FNIP2: variants seen among roughly 807,000 people sequenced by gnomAD.
FNIP2 encodes folliculin interacting protein 2.
FNIP2 carries 32 observed loss-of-function variants against 108.7 expected under a neutral mutation model. That is an observed-to-expected ratio of 0.29 (90% confidence interval 0.22 to 0.40). FNIP2 has a LOEUF of 0.40. Ranked by LOEUF, FNIP2 falls within the 10% of genes least tolerant of loss-of-function variation. The probability of loss-of-function intolerance (pLI) is 1.00; values close to 1 mark genes in which losing one functional copy is unlikely to be tolerated. For missense variants in FNIP2, 1,202 were observed against 1,381.6 expected (o/e 0.87, Z 2.06); for synonymous variants, 480 against 496.7 (o/e 0.97, Z 0.45).
intron 8 of FNIP2, among the ~76,000 whole-genome samples, chr4:158,856,493 G>A (rs574327492): frequency 6.6e-6 from 1 of 152,298 alleles, no homozygotes; most frequent in South Asian, 2.1e-4. Context: ...GAAAAAAATT[G>A]TATGTAGCTG....
chr4:158,902,404 T>C (rs1376413614), intron 16 of FNIP2, among the ~76,000 whole-genome samples: 1 of 152,176 alleles, frequency 6.6e-6, no homozygotes, highest in Non-Finnish European at 1.5e-5. Context: ...AGAGCTCTCC[T>C]GTATGAGGTT....
At chr4:158,801,677 A>G (rs1278293612) in intron 1 of FNIP2, among the ~76,000 whole-genome samples, 1 of 152,236 alleles carries the variant, frequency 6.6e-6, no homozygotes, top group East Asian at 1.9e-4. Context: ...GATGCTTGGC[A>G]CATAAAAGAG....
intron 6 of FNIP2, chr4:158,834,766 G>C (rs1778705463): frequency 6.6e-6 from 1 of 152,298 alleles, no homozygotes; most frequent in African/African-American, 2.4e-5. Flanking sequence ...CTAGAAGTCT[G>C]TAATACTTCA....
chr4:158,780,065 A>C (rs1375708948), intron 1 of FNIP2, among the ~76,000 whole-genome samples: 3 of 151,962 alleles, frequency 2.0e-5, no homozygotes, highest in Non-Finnish European at 4.4e-5. Context: ...ATAAAAAAAA[A>C]ACTAGCTAGG....
intron 12 of FNIP2, among the ~76,000 whole-genome samples, chr4:158,865,494 T>C (rs1780527905): frequency 6.6e-6 from 1 of 152,232 alleles, no homozygotes; most frequent in Non-Finnish European, 1.5e-5. Context: ...ATTGTATTTT[T>C]AATAACCTTC....
At chr4:158,880,559 G>A (rs1384633440) in intron 14 of FNIP2, among the ~76,000 whole-genome samples, 3 of 152,158 alleles carry the variant, frequency 2.0e-5, no homozygotes, top group African/African-American at 7.2e-5. Context: ...CCTGCACGTT[G>A]TGCACATGTA....
chr4:158,899,590 T>G (rs1244218218), intron 16 of FNIP2, among the ~76,000 whole-genome samples: 1 of 152,258 alleles, frequency 6.6e-6, no homozygotes, highest in East Asian at 1.9e-4. Flanking sequence ...AGGGTGTATG[T>G]GCCCAGGAAT....
chr4:158,830,550 C>T (rs968432034), intron 3 of FNIP2, among the ~76,000 whole-genome samples: 4 of 152,188 alleles, frequency 2.6e-5, no homozygotes, highest in African/African-American at 4.8e-5. Context: ...GCGTGAGCCA[C>T]CGCGCCCGGC....
At chr4:158,823,919 C>T (rs1778019464) in intron 1 of FNIP2, among the ~76,000 whole-genome samples, 1 of 152,102 alleles carries the variant, frequency 6.6e-6, no homozygotes, top group African/African-American at 2.4e-5. Context: ...ATAAACTTGG[C>T]TTATTATTAT....
rs938381075 is a variant in FNIP2 at position 158,868,376 on chromosome 4, C to G, written c.1740C>G (p.Pro580=). 6.2e-6 allele frequency: 10 copies of G among 1,613,980 alleles called. No individual in the cohort carries two copies. Among genetic ancestry groups the G allele is most frequent in the Non-Finnish European group, 8.5e-6 (10 of 1,179,894 alleles). ...ITVRNEPALV[P]PILPPTAAER... The stretch of plus-strand genomic sequence containing the variant: ...TGAGGAACGAGCCCGCTCTTGTACC[C>G]CCCATCCTACCACCAACAGCAGCAG... Residue 580 remains proline (P), a synonymous_variant, in exon 13 of 17, where the codon CCC becomes CCG. Transcript: ENST00000264433. The surrounding 1 kb of genome is among the most constrained non-coding windows in gnomAD (Gnocchi z 4.6).
chr4:158,899,130 G>C (rs932674069), intron 16 of FNIP2, among the ~76,000 whole-genome samples: 2 of 152,156 alleles, frequency 1.3e-5, no homozygotes, highest in Admixed American at 6.5e-5. Context: ...CACTGGTTTT[G>C]TTTATGCGAT....
At chr4:158,823,368 C>T (rs1377126173) in intron 1 of FNIP2, among the ~76,000 whole-genome samples, 5 of 152,140 alleles carry the variant, frequency 3.3e-5, no homozygotes, top group Admixed American at 3.3e-4. Flanking sequence ...CAAGTTCAAG[C>T]GATTCTCCTG....
chr4:158,786,480 T>G (rs1028917306), intron 1 of FNIP2, among the ~76,000 whole-genome samples: 8 of 152,348 alleles, frequency 5.3e-5, no homozygotes, highest in Middle Eastern at 3.4e-3. Context: ...AAACTAGATT[T>G]ACTAGTGCAC....
intron 7 of FNIP2, among the ~76,000 whole-genome samples, chr4:158,842,613 T>C (rs962632854): frequency 2.6e-5 from 4 of 152,172 alleles, no homozygotes; most frequent in Non-Finnish European, 5.9e-5. Context: ...ATTTATACCT[T>C]AGATAAATTA....
intron 1 of FNIP2, among the ~76,000 whole-genome samples, chr4:158,790,690 T>C (rs1776384658): frequency 6.6e-6 from 1 of 152,176 alleles, no homozygotes; most frequent in African/African-American, 2.4e-5. Flanking sequence ...CAAGCTGCAG[T>C]GATCTGTGAT....
At chr4:158,894,165 GTTTT>G (rs750708202) in intron 15 of FNIP2, among the ~76,000 whole-genome samples, 3 of 129,818 alleles carry the variant, frequency 2.3e-5, no homozygotes, top group Non-Finnish European at 4.9e-5. Context: ...TTTAAAAAAT[GTTTT>G]CTTTTTTTTT....
intron 15 of FNIP2, among the ~76,000 whole-genome samples, chr4:158,892,119 T>C (rs1216925453): frequency 1.3e-5 from 2 of 151,552 alleles, no homozygotes; most frequent in East Asian, 3.9e-4. Context: ...ACTATACACA[T>C]GTAAGATTAT....
At chr4:158,843,667 G>C (rs544836462) in intron 7 of FNIP2, among the ~76,000 whole-genome samples, 41 of 152,300 alleles carry the variant, frequency 2.7e-4, no homozygotes, top group Non-Finnish European at 4.1e-4. Flanking sequence ...ACAACAAAGA[G>C]CATCTTAGGT....
At chr4:158,805,718 G>C (rs562285473) in intron 1 of FNIP2, among the ~76,000 whole-genome samples, 91 of 152,324 alleles carry the variant, frequency 6.0e-4, no homozygotes, top group African/African-American at 2.0e-3. Flanking sequence ...CATTAAGAGG[G>C]TGGTGTGGCC....
Sources: allele counts gnomAD v4.1 joint callset (sites outside exome capture counted in the v4.1 genomes callset), GRCh38; gene constraint gnomAD v4.1.1; non-coding constraint Gnocchi (gnomAD v3.1); transcripts MANE v1.5; gene names NCBI Gene and HGNC (gene_info 2026-07-23, HGNC 2026-07-21).